Variants in FANK1 observed in about 807,000 individuals in gnomAD.
The protein encoded by FANK1 is fibronectin type 3 and ankyrin repeat domains protein 1.
Under a neutral mutation model 45.3 loss-of-function variants are expected in FANK1, and 44 were observed. That is an observed-to-expected ratio of 0.97 (90% CI 0.76 to 1.25). The LOEUF (loss-of-function observed/expected upper bound fraction) is 1.25, where lower values mean the gene tolerates loss of function less well. Ranked by LOEUF, FANK1 falls within the 50% of genes most tolerant of loss-of-function variation. The pLI is 0.00. For missense variants in FANK1, 391 were observed against 424.4 expected, an observed-to-expected ratio of 0.92 and a Z score of 0.69; for synonymous variants, 149 against 152.5, an observed-to-expected ratio of 0.98 and a Z score of 0.17.
chr10:125,976,561 A>G (rs909030689), intron 1 of FANK1, among the ~76,000 whole-genome samples: 2 of 152,026 alleles, frequency 1.3e-5, no homozygotes, highest in Middle Eastern at 3.2e-3. Context: ...CCAGTCTTCA[A>G]GTTCTGAGAT....
intron 1 of FANK1, among the ~76,000 whole-genome samples, chr10:125,949,023 G>A (rs901136294): frequency 6.7e-6 from 1 of 149,484 alleles, no homozygotes; most frequent in African/African-American, 2.5e-5. Flanking sequence ...AAAACCACAT[G>A]ATTATCTCAA....
chr10:126,006,785 A>G (rs553850997), intron 7 of FANK1, among the ~76,000 whole-genome samples: 14 of 152,298 alleles, frequency 9.2e-5, no homozygotes, highest in Admixed American at 6.5e-4. Flanking sequence ...GCTTGAACCC[A>G]GGAGGTGGAG....
intron 1 of FANK1, among the ~76,000 whole-genome samples, chr10:125,928,797 C>G (rs1342582347): frequency 6.6e-6 from 1 of 152,130 alleles, no homozygotes; most frequent in Non-Finnish European, 1.5e-5. Flanking sequence ...GCCTAGCTTT[C>G]TATTGGGTTA....
At chr10:125,944,105 T>G (rs1948622365) in intron 1 of FANK1, among the ~76,000 whole-genome samples, 1 of 152,246 alleles carries the variant, frequency 6.6e-6, no homozygotes, top group South Asian at 2.1e-4. Flanking sequence ...TAATTTCAGA[T>G]GAATTTTGAC....
At chr10:125,975,443 AC>A in intron 1 of FANK1, among the ~76,000 whole-genome samples, 1 of 152,194 alleles carries the variant, frequency 6.6e-6, no homozygotes, top group African/African-American at 2.4e-5. Context: ...CAATCGTTGA[AC>A]AAATTTATCC....
intron 1 of FANK1, among the ~76,000 whole-genome samples, chr10:125,977,894 G>A (rs1950953061): frequency 6.6e-6 from 1 of 152,158 alleles, no homozygotes; most frequent in Non-Finnish European, 1.5e-5. Context: ...TAGTTTGAAG[G>A]TGGCAAGGGC....
chr10:125,951,355 A>G (rs977109470), intron 1 of FANK1, among the ~76,000 whole-genome samples: 3 of 152,200 alleles, frequency 2.0e-5, no homozygotes, highest in African/African-American at 7.2e-5. Context: ...ATTTAAACAA[A>G]TCCTTTATGT....
At position 125,983,517 on chromosome 10, in the gene FANK1, G is replaced by A. The variant is rs149780492; in HGVS notation, c.191+3179G>A. Among the ~76,000 whole-genome samples, 4 of 152,302 alleles carry A rather than the reference G, an allele frequency of 2.6e-5. No individual in the cohort carries two copies. The highest frequency in any genetic ancestry group is 1.9e-4 in the East Asian group (1 of 5,188). ...GCAGCATAGGAAAAATTGAGGGCCT[G>A]GGGTAGAGGTGGGGAAGTCTTCACC... On this transcript the variant is annotated intron_variant, in intron 2 of 10. Coordinates refer to ENST00000368693, the MANE Select transcript of FANK1 (RefSeq NM_145235.5). This position sits in a 1 kb window ranked among gnomAD's most constrained non-coding sequence, Gnocchi z 4.3.
intron 1 of FANK1, among the ~76,000 whole-genome samples, chr10:125,934,320 C>G (rs1947935559): frequency 6.6e-6 from 1 of 152,102 alleles, no homozygotes; most frequent in South Asian, 2.1e-4. Flanking sequence ...CTTGGCTTTT[C>G]TTTATAGTTT....
At chr10:125,914,583 ACATT>A (rs1178379467) in intron 1 of FANK1, among the ~76,000 whole-genome samples, 2 of 152,166 alleles carry the variant, frequency 1.3e-5, no homozygotes, top group Non-Finnish European at 2.9e-5. Context: ...GAAAAACTAA[ACATT>A]CCCTAACAGA....
intron 5 of FANK1, among the ~76,000 whole-genome samples, chr10:125,997,032 G>A (rs906592341): frequency 3.3e-5 from 5 of 151,638 alleles, no homozygotes; most frequent in Non-Finnish European, 5.9e-5. Context: ...GTATTAATAT[G>A]AATACCTCAT....
At position 125,988,529 on chromosome 10, in the gene FANK1, ATGTTTGTC is replaced by A. The variant is rs770461020; in HGVS notation, c.192-20_192-13del. ...GATTAAGCTACCTGGTGTTATCAGCATGTTTGTCTCCTCCTGTCTAGGGGATATGCAAC... is the reference window on the plus strand; with the variant it reads ...GATTAAGCTACCTGGTGTTATCAGCATCCTCCTGTCTAGGGGATATGCAAC... On this transcript the variant is annotated splice_polypyrimidine_tract_variant and intron_variant, in intron 2 of 10. Coordinates refer to ENST00000368693, the MANE Select transcript of FANK1 (RefSeq NM_145235.5). The A allele has an allele frequency of 6.2e-7, 1 of 1,611,562 alleles. No individual in the cohort carries two copies. The highest frequency in any genetic ancestry group is 8.5e-7 in the Non-Finnish European group (1 of 1,178,170).
chr10:125,918,556 C>CAA (rs1156446362), intron 1 of FANK1, among the ~76,000 whole-genome samples: 94 of 7,092 alleles, frequency 0.013, 16 homozygotes, highest in Admixed American at 0.03. Flanking sequence ...GCCTCTGTCT[C>CAA]AAAAAAAAAA....
chr10:125,957,850 T>C (rs1384112967), intron 1 of FANK1, among the ~76,000 whole-genome samples: 2 of 152,102 alleles, frequency 1.3e-5, no homozygotes, highest in East Asian at 3.9e-4. Flanking sequence ...AAAGATAATG[T>C]CACTAGGTAA....
intron 1 of FANK1, among the ~76,000 whole-genome samples, chr10:125,907,259 T>C (rs1945600734): frequency 6.6e-6 from 1 of 152,218 alleles, no homozygotes; most frequent in Non-Finnish European, 1.5e-5. Flanking sequence ...AACTCTTCAC[T>C]CCTTATATTC....
chr10:125,969,989 A>G (rs886623798), intron 1 of FANK1, among the ~76,000 whole-genome samples: 3 of 152,228 alleles, frequency 2.0e-5, no homozygotes, highest in Non-Finnish European at 4.4e-5. Context: ...AATTTTTCTT[A>G]GTACAGAACG....
intron 1 of FANK1, among the ~76,000 whole-genome samples, chr10:125,897,998 C>CAAAAAAAAAAAAAAAAAAAAA (rs373550249): frequency 6.0e-5 from 1 of 16,796 alleles, no homozygotes; most frequent in African/African-American, 2.4e-4. Context: ...TACTAAAATA[C>CAAAAAAAAAAAAAAAAAAAAA]AAAAAAAAAA....
chr10:125,917,111 T>G (rs1258675615), intron 1 of FANK1, among the ~76,000 whole-genome samples: 2 of 152,190 alleles, frequency 1.3e-5, no homozygotes, highest in Non-Finnish European at 2.9e-5. Flanking sequence ...CCTCAACAGA[T>G]CAGACCAAAC....
At chr10:125,917,442 A>G (rs1467400561) in intron 1 of FANK1, among the ~76,000 whole-genome samples, 6 of 152,214 alleles carry the variant, frequency 3.9e-5, no homozygotes, top group Non-Finnish European at 5.9e-5. Flanking sequence ...ATAAAAGCCA[A>G]TTAAATCTAT....
Sources: gnomAD v4.1 joint callset for allele counts (sites outside exome capture counted in the v4.1 genomes callset) on GRCh38, gnomAD v4.1.1 for gene constraint, Gnocchi (gnomAD v3.1) non-coding constraint, MANE v1.5 for transcripts, NCBI Gene and HGNC (gene_info 2026-07-23, HGNC 2026-07-21) for gene names.